Variants in EFCAB6 observed in about 807,000 individuals in gnomAD.
EFCAB6 encodes EF-hand calcium binding domain 6.
In EFCAB6, 156 loss-of-function variants were observed where a neutral mutation model predicts 169.8. The observed-to-expected ratio is 0.92, with a 90% CI of 0.81 to 1.05. The LOEUF (loss-of-function observed/expected upper bound fraction) is 1.05. Among genes scored for constraint, EFCAB6 ranks in the 50% least tolerant of loss-of-function variants. The pLI is 0.00. For missense variants in EFCAB6, 1,800 were observed against 1,829.1 expected (o/e 0.98, Z 0.29); for synonymous variants, 698 against 676.4 (o/e 1.03, Z -0.50).
In EFCAB6 at chr22:43,572,967, A is replaced by G. The variant is rs2049987523; in HGVS notation, c.3420+3330T>C. ...GATGGAATCCATGCTTTAGAGGAAA[A>G]TGAAGACCCCAGAGAATGCCAGTGC... On this transcript the variant is annotated intron_variant, in intron 26 of 31. Coordinates refer to ENST00000262726, the MANE Select transcript of EFCAB6 (RefSeq NM_022785.4). This position sits in a 1 kb window ranked among gnomAD's most constrained non-coding sequence, Gnocchi z 4.0. Among the ~76,000 whole-genome samples, 1 of 152,240 alleles carries G rather than the reference A, an allele frequency of 6.6e-6. No homozygotes were observed. Among genetic ancestry groups the G allele is most frequent in the Non-Finnish European group, 1.5e-5 (1 of 68,044 alleles).
At chr22:43,571,490 ACTT>A (rs2049870525) in intron 26 of EFCAB6, among the ~76,000 whole-genome samples, 1 of 152,196 alleles carries the variant, frequency 6.6e-6, no homozygotes, top group Non-Finnish European at 1.5e-5. Flanking sequence ...ATTATTCATT[ACTT>A]CTTTTCTCTT....
Position 43,537,614 on chromosome 22 carries a change from A to C in EFCAB6, c.3880-69T>G. The C allele has an allele frequency of 5.9e-6, 9 of 1,512,842 alleles. No individual in the cohort carries two copies. The highest frequency in any genetic ancestry group is 8.0e-6 in the Non-Finnish European group (9 of 1,125,862). 93.7% of individuals were successfully genotyped at this position (1,512,842 alleles called of 1,614,324 possible). On this transcript the variant is annotated intron_variant, in intron 28 of 31. Coordinates refer to ENST00000262726, the MANE Select transcript of EFCAB6 (RefSeq NM_022785.4). The surrounding 1 kb of genome is among the most constrained non-coding windows in gnomAD (Gnocchi z 4.3). Reference sequence around the variant, plus strand: ...AAACGGAAGTCATCAAAAATACCTCAATACCTCCAGTTTTGAGGTTCACAA... The same window carrying C: ...AAACGGAAGTCATCAAAAATACCTCCATACCTCCAGTTTTGAGGTTCACAA...
intron 16 of EFCAB6, 143 bp downstream of exon 16, chr22:43,668,729 C>A: frequency 1.4e-6 from 1 of 730,086 alleles, no homozygotes. Context: ...TTCCCTGACT[C>A]TAATTACTGT....
At chr22:43,730,775 A>C (rs768705246) in intron 8 of EFCAB6, among the ~76,000 whole-genome samples, 1 of 152,170 alleles carries the variant, frequency 6.6e-6, no homozygotes, top group Non-Finnish European at 1.5e-5. Flanking sequence ...GCGACGCAGG[A>C]ACACGCTTTG....
chr22:43,570,926 G>A (rs191749330), intron 26 of EFCAB6, among the ~76,000 whole-genome samples: 4 of 152,336 alleles, frequency 2.6e-5, no homozygotes, highest in African/African-American at 9.6e-5. Flanking sequence ...GCCCTGGGGC[G>A]GGCTGGTCTG....
Position 43,672,024 on chromosome 22 carries a change from T to C in EFCAB6, c.1589A>G (p.Lys530Arg), listed in dbSNP as rs1248278131. The C allele has an allele frequency of 1.2e-6, 2 of 1,614,072 alleles. No homozygotes were observed. The highest frequency in any genetic ancestry group is 1.1e-5 in the South Asian group (1 of 91,076). Residue 530 changes from lysine to arginine, a missense_variant, in exon 15 of 32, where the codon AAG becomes AGG. Coordinates refer to ENST00000262726, the MANE Select transcript of EFCAB6 (RefSeq NM_022785.4). ...TGGACAGAAGACGTGCATGATTTTCTTGAAATTATTTCGGCCAATGCGCCC... is the reference window on the plus strand; with the variant it reads ...TGGACAGAAGACGTGCATGATTTTCCTGAAATTATTTCGGCCAATGCGCCC... ...DTGRIGRNNF[K>R]KIMHVFCPFL...
rs186188112 is a variant in EFCAB6, at chr22:43,733,182, C to T, written c.645-1371G>A. Among the ~76,000 whole-genome samples, 861 of 152,234 alleles carry T rather than the reference C, an allele frequency of 5.7e-3. 8 individuals carry two copies. The highest frequency in any genetic ancestry group is 0.02 in the African/African-American group (818 of 41,530). ...CCTAAAGAGCTTCATCTTTCATCTACGGTCTCTGTCTTGTGAAAATGAGGT... is the reference window on the plus strand; with the variant it reads ...CCTAAAGAGCTTCATCTTTCATCTATGGTCTCTGTCTTGTGAAAATGAGGT... On this transcript the variant is annotated intron_variant, in intron 7 of 31. Coordinates refer to ENST00000262726, the MANE Select transcript of EFCAB6 (RefSeq NM_022785.4).
intron 10 of EFCAB6, among the ~76,000 whole-genome samples, chr22:43,706,095 C>T (rs1318495697): frequency 6.6e-6 from 1 of 152,114 alleles, no homozygotes; most frequent in Non-Finnish European, 1.5e-5. Context: ...AATTGAATAA[C>T]CTAGAATAAA....
At chr22:43,613,177 T>TA in intron 21 of EFCAB6, among the ~76,000 whole-genome samples, 1 of 147,650 alleles carries the variant, frequency 6.8e-6, no homozygotes, top group Non-Finnish European at 1.5e-5. Context: ...ATAATTTATT[T>TA]ATATAACATA....
At chr22:43,751,705 C>T (rs4823095) in intron 6 of EFCAB6, among the ~76,000 whole-genome samples, 130,301 of 152,220 alleles carry the variant, frequency 0.86, 55,854 homozygotes, top group East Asian at 0.99. Context: ...AAAGCTCCAC[C>T]GACTTGTGCG....
chr22:43,531,108 G>C, intron 30 of EFCAB6, 144 bp from the exon 31 acceptor site: 1 of 1,113,150 alleles, frequency 9.0e-7, no homozygotes, highest in Admixed American at 2.4e-5. Context: ...ATCGAGGAGG[G>C]AGCCTGCCAG....
chr22:43,756,091 G>A (rs766496001), intron 5 of EFCAB6, among the ~76,000 whole-genome samples: 5 of 152,160 alleles, frequency 3.3e-5, no homozygotes, highest in Non-Finnish European at 7.3e-5. Context: ...ACTTACAGCT[G>A]ACACTTAATG....
At chr22:43,638,008 G>A (rs1159584609) in intron 17 of EFCAB6, among the ~76,000 whole-genome samples, 2 of 152,122 alleles carry the variant, frequency 1.3e-5, no homozygotes, top group Admixed American at 6.5e-5. Flanking sequence ...AGGGAGATTC[G>A]TACTATCCCC....
At chr22:43,639,964 T>C (rs1191412774) in intron 17 of EFCAB6, among the ~76,000 whole-genome samples, 1 of 152,212 alleles carries the variant, frequency 6.6e-6, no homozygotes, top group Non-Finnish European at 1.5e-5. Context: ...ATATCTTATT[T>C]TTCAGTTCTA....
At chr22:43,569,365 G>A (rs1436298261) in intron 26 of EFCAB6, among the ~76,000 whole-genome samples, 1 of 152,218 alleles carries the variant, frequency 6.6e-6, no homozygotes, top group Non-Finnish European at 1.5e-5. Context: ...CACTACAGCT[G>A]GCTTTAAGGA....
chr22:43,672,022 T>G lies in EFCAB6; in HGVS notation c.1591A>C (p.Lys531Gln). 6.8e-6 allele frequency: 11 copies of G among 1,614,186 alleles called. No homozygotes were observed. Among genetic ancestry groups the G allele is most frequent in the Non-Finnish European group, 9.3e-6 (11 of 1,180,014 alleles). ...AATGGACAGAAGACGTGCATGATTT[T>G]CTTGAAATTATTTCGGCCAATGCGC... Reference protein sequence around the residue: ...TGRIGRNNFKKIMHVFCPFLT... With the variant: ...TGRIGRNNFKQIMHVFCPFLT... The change falls in exon 15 of 32, where the codon AAA becomes CAA. Residue 531 changes from lysine (K) to glutamine (Q), a missense_variant. By Grantham distance (53) the Lys-to-Gln change is moderately conservative. Coordinates refer to ENST00000262726, the MANE Select transcript of EFCAB6 (RefSeq NM_022785.4).
intron 17 of EFCAB6, among the ~76,000 whole-genome samples, chr22:43,659,723 T>G (rs2056914056): frequency 6.6e-6 from 1 of 151,956 alleles, no homozygotes; most frequent in Non-Finnish European, 1.5e-5. Flanking sequence ...TAGATTAGGG[T>G]CGTGTCCCCA....
intron 17 of EFCAB6, among the ~76,000 whole-genome samples, chr22:43,657,272 G>T (rs2056795499): frequency 6.6e-6 from 1 of 152,112 alleles, no homozygotes; most frequent in Non-Finnish European, 1.5e-5. Context: ...TCCAGTCTGG[G>T]TTACAGAGAG....
intron 27 of EFCAB6, among the ~76,000 whole-genome samples, chr22:43,541,661 C>T (rs1337028753): frequency 3.3e-5 from 5 of 152,256 alleles, no homozygotes; most frequent in African/African-American, 1.2e-4. Flanking sequence ...ACCTCACCGG[C>T]ACCAAGTACA....
Sources: gnomAD v4.1 joint callset for allele counts (sites outside exome capture counted in the v4.1 genomes callset) on GRCh38, gnomAD v4.1.1 for gene constraint, Gnocchi (gnomAD v3.1) non-coding constraint, MANE v1.5 for transcripts, NCBI Gene and HGNC (gene_info 2026-07-23, HGNC 2026-07-21) for gene names.